Variants in RAD51B observed in about 807,000 individuals in gnomAD.
RAD51B encodes RAD51 paralog B.
In RAD51B, 38 loss-of-function variants were observed where a neutral mutation model predicts 42.2. The ratio of observed to expected loss-of-function variants is 0.90; its 90% CI spans 0.70 to 1.18. RAD51B has a LOEUF of 1.18. RAD51B is among the 50% of genes most tolerant of loss of function. RAD51B has a pLI of 0.00. For synonymous variants in RAD51B, 154 were observed against 145.2 expected (o/e 1.06, Z -0.43); for missense variants, 373 against 400.7 (o/e 0.93, Z 0.59).
At chr14:67,880,286 C>T (rs531342052) in intron 5 of RAD51B, among the ~76,000 whole-genome samples, 2 of 152,290 alleles carry the variant, frequency 1.3e-5, no homozygotes, top group South Asian at 2.1e-4. Flanking sequence ...GCTTACTTTG[C>T]TCATTTTGAG....
At chr14:68,336,988 A>G (rs1306641662) in intron 8 of RAD51B, among the ~76,000 whole-genome samples, 1 of 152,240 alleles carries the variant, frequency 6.6e-6, no homozygotes, top group Non-Finnish European at 1.5e-5. Flanking sequence ...CTACCTCAGA[A>G]AAGTTCCATG....
chr14:68,296,754 C>G (rs905743830), intron 8 of RAD51B, among the ~76,000 whole-genome samples: 1 of 152,188 alleles, frequency 6.6e-6, no homozygotes, highest in Non-Finnish European at 1.5e-5. Flanking sequence ...TGGCCCACTT[C>G]AGGAGTTCCA....
chr14:68,068,797 G>A (rs1282465370), intron 7 of RAD51B, among the ~76,000 whole-genome samples: 1 of 152,078 alleles, frequency 6.6e-6, no homozygotes, highest in Non-Finnish European at 1.5e-5. Context: ...TATCTTCCAT[G>A]GTTACATGAC....
chr14:68,613,620 G>T (rs192970882), downstream of RAD51B, among the ~76,000 whole-genome samples: 908 of 151,834 alleles, frequency 6.0e-3, 5 homozygotes, highest in African/African-American at 0.02. Context: ...CACCCGGCTA[G>T]TTTTTTTGTA....
intron 7 of RAD51B, among the ~76,000 whole-genome samples, chr14:68,277,260 G>A (rs1487395901): frequency 6.6e-6 from 1 of 152,162 alleles, no homozygotes; most frequent in Admixed American, 6.5e-5. Flanking sequence ...AGGTCCTAAT[G>A]CTATTATTAA....
At chr14:68,521,185 C>A (rs143723626) in intron 10 of RAD51B, among the ~76,000 whole-genome samples, 1 of 152,072 alleles carries the variant, frequency 6.6e-6, no homozygotes, top group East Asian at 1.9e-4. Flanking sequence ...GCAGAGCTCA[C>A]GAAGGAGGCA....
At chr14:68,670,742 T>C (rs537489633) in intron 11 of RAD51B, among the ~76,000 whole-genome samples, 24 of 152,340 alleles carry the variant, frequency 1.6e-4, no homozygotes, top group African/African-American at 5.5e-4. Flanking sequence ...ATGGAAAAAC[T>C]TAAGTTTGCC....
At chr14:68,060,314 A>G (rs1323390589) in intron 7 of RAD51B, among the ~76,000 whole-genome samples, 1 of 152,214 alleles carries the variant, frequency 6.6e-6, no homozygotes, top group African/African-American at 2.4e-5. Context: ...TATTTCTGCT[A>G]TACTTGGTAT....
At chr14:68,624,358 A>T (rs1308112725) in intron 10 of RAD51B, among the ~76,000 whole-genome samples, 2 of 152,170 alleles carry the variant, frequency 1.3e-5, no homozygotes, top group African/African-American at 4.8e-5. Flanking sequence ...ATCTGCCCAT[A>T]TGCCCAGTCT....
chr14:68,058,968 T>G (rs2076524682), intron 7 of RAD51B, among the ~76,000 whole-genome samples: 1 of 152,154 alleles, frequency 6.6e-6, no homozygotes, highest in African/African-American at 2.4e-5. Context: ...TACCACTTAG[T>G]GAAAAATACT....
intron 11 of RAD51B, chr14:68,682,858 T>C: frequency 1.2e-6 from 1 of 851,150 alleles, no homozygotes; most frequent in Non-Finnish European, 1.4e-6. Flanking sequence ...TTTATTGCCT[T>C]TGAGTATCTC....
At chr14:68,470,018 G>A (rs1430860567) in intron 10 of RAD51B, among the ~76,000 whole-genome samples, 1 of 152,180 alleles carries the variant, frequency 6.6e-6, no homozygotes, top group African/African-American at 2.4e-5. Flanking sequence ...GTTATTTAGA[G>A]AAAGTAGAGC....
intron 4 of RAD51B, among the ~76,000 whole-genome samples, chr14:67,864,258 A>G (rs1294996202): frequency 1.3e-5 from 2 of 152,200 alleles, no homozygotes; most frequent in African/African-American, 2.4e-5. Context: ...TTGAATATGG[A>G]TATAATTAAT....
intron 7 of RAD51B, among the ~76,000 whole-genome samples, chr14:68,031,715 A>T (rs1820002628): frequency 6.6e-6 from 1 of 152,120 alleles, no homozygotes; most frequent in African/African-American, 2.4e-5. Flanking sequence ...AGTTTCAGAT[A>T]TTTTCCACTC....
Position 68,159,418 on chromosome 14 carries a change from G to A in RAD51B, c.757-132466G>A, listed in dbSNP as rs534613279. Among the ~76,000 whole-genome samples, 22 of 152,036 alleles carry A rather than the reference G, an allele frequency of 1.4e-4. No individual in the cohort carries two copies. In the South Asian group the frequency reaches 4.0e-3, roughly 27 times the overall value. The stretch of plus-strand genomic sequence containing the variant: ...GGGCGGATCATGAGGTCAGGAGTTC[G>A]AGACAAGCCTGACCAACATGGTGAA... On this transcript the variant is annotated intron_variant, in intron 7 of 10. Coordinates refer to ENST00000471583, the MANE Select transcript of RAD51B (RefSeq NM_133510.4).
chr14:68,518,557 C>A (rs60720907), intron 10 of RAD51B, among the ~76,000 whole-genome samples: 24,827 of 148,938 alleles, frequency 0.17, 2,579 homozygotes, highest in Middle Eastern at 0.41. Context: ...CATATGAGCC[C>A]CCCCCCCAGG....
intron 10 of RAD51B, among the ~76,000 whole-genome samples, chr14:68,631,002 G>A (rs935653661): frequency 1.3e-5 from 2 of 152,184 alleles, no homozygotes; most frequent in African/African-American, 2.4e-5. Flanking sequence ...CTCATGATAA[G>A]AAGGGCAGGT....
At chr14:68,413,475 C>A (rs2084471281) in intron 9 of RAD51B, among the ~76,000 whole-genome samples, 1 of 152,302 alleles carries the variant, frequency 6.6e-6, no homozygotes, top group East Asian at 1.9e-4. Flanking sequence ...ATCATGTTTT[C>A]AAACAATAAT....
Position 68,013,633 on chromosome 14 carries a change from T to C in RAD51B, c.756+126429T>C, listed in dbSNP as rs2075725387. Among the ~76,000 whole-genome samples, 4 of 152,214 alleles carry C rather than the reference T, an allele frequency of 2.6e-5. No homozygotes were observed. In the South Asian group the frequency reaches 6.2e-4, roughly 24 times the overall value. ...CAGATGAGGAAACTAAATCAGAATA[T>C]TGTATTACGTAGAATATAACTTTCT... On this transcript the variant is annotated intron_variant, in intron 7 of 10. Transcript: ENST00000471583.
Sources: gnomAD v4.1 joint callset for allele counts (sites outside exome capture counted in the v4.1 genomes callset) on GRCh38, gnomAD v4.1.1 for gene constraint, MANE v1.5 for transcripts, NCBI Gene and HGNC (gene_info 2026-07-23, HGNC 2026-07-21) for gene names.